Variants in RGS6 observed in about 807,000 individuals in gnomAD.
RGS6 encodes regulator of G protein signaling 6, also known as regulator of G-protein signaling 6.
In RGS6, 30 loss-of-function variants were observed where a neutral mutation model predicts 78.5. The ratio of observed to expected loss-of-function variants is 0.38; its 90% CI spans 0.29 to 0.52. RGS6 has a LOEUF of 0.52. RGS6 is among the 20% of genes least tolerant of loss of function. The pLI is 0.85. For missense variants in RGS6, 495 were observed against 609.7 expected (o/e 0.81, Z 1.98); for synonymous variants, 206 against 206.0 (o/e 1.00, Z 0.00).
intron 2 of RGS6, among the ~76,000 whole-genome samples, chr14:72,251,182 A>G (rs2055667231): frequency 6.6e-6 from 1 of 152,232 alleles, no homozygotes; most frequent in Non-Finnish European, 1.5e-5. Context: ...CAGAACTGCA[A>G]AGCAAACGAA....
chr14:71,878,660 G>A, the RGS6 span, among the ~76,000 whole-genome samples: 1 of 152,164 alleles, frequency 6.6e-6, no homozygotes, highest in African/African-American at 2.4e-5. Context: ...GCCCTGCTTT[G>A]GCTTATGGTC....
intron 2 of RGS6, among the ~76,000 whole-genome samples, chr14:71,997,180 G>C (rs1306545186): frequency 6.6e-6 from 1 of 152,200 alleles, no homozygotes. Flanking sequence ...CTGGCAATTA[G>C]GTGTCTGTGG....
At chr14:71,956,917 CT>C (rs2092833035) in intron 1 of RGS6, among the ~76,000 whole-genome samples, 1 of 152,114 alleles carries the variant, frequency 6.6e-6, no homozygotes, top group Admixed American at 6.6e-5. Context: ...AGTAAAAGTG[CT>C]GTGTGTTCAA....
At chr14:72,129,181 C>G (rs905436698) in intron 2 of RGS6, among the ~76,000 whole-genome samples, 3 of 152,024 alleles carry the variant, frequency 2.0e-5, no homozygotes, top group African/African-American at 7.2e-5. Context: ...TTACTTACAC[C>G]AGACAGTAGG....
In RGS6 at chr14:72,180,343, A is replaced by T. The variant is rs145063715; in HGVS notation, c.85-171752A>T. Among the ~76,000 whole-genome samples, 21 of 152,332 alleles carry T rather than the reference A, an allele frequency of 1.4e-4. No homozygotes were observed. The East Asian group carries it at 3.7e-3, about 27-fold the overall frequency. ...TCTCCAGATAGCAGCTGTTGTTGGA[A>T]TTGAATATAAGAGATGCTTAATCAA... is the stretch of plus-strand genomic sequence containing the variant. On this transcript the variant is annotated intron_variant, in intron 2 of 17. Transcript: ENST00000553525.
At chr14:72,264,102 A>G (rs1336329407) in intron 2 of RGS6, among the ~76,000 whole-genome samples, 1 of 152,206 alleles carries the variant, frequency 6.6e-6, no homozygotes, top group Non-Finnish European at 1.5e-5. Context: ...TAGTAGCCTT[A>G]TATCAGTTCA....
intron 2 of RGS6, among the ~76,000 whole-genome samples, chr14:71,987,329 A>T (rs1321043267): frequency 6.6e-6 from 1 of 152,090 alleles, no homozygotes; most frequent in Admixed American, 6.6e-5. Flanking sequence ...AGAGACTGGC[A>T]GTGAGGATGG....
intron 2 of RGS6, among the ~76,000 whole-genome samples, chr14:72,139,725 G>T (rs1598269064): frequency 6.6e-6 from 1 of 152,132 alleles, no homozygotes; most frequent in Non-Finnish European, 1.5e-5. Flanking sequence ...TCCATGGCAA[G>T]GAGAAAATAA....
At chr14:72,029,150 A>G (rs2090422946) in intron 2 of RGS6, among the ~76,000 whole-genome samples, 1 of 152,214 alleles carries the variant, frequency 6.6e-6, no homozygotes, top group Non-Finnish European at 1.5e-5. Flanking sequence ...AGCAGGAACC[A>G]GTTTTTCTTT....
chr14:72,291,542 T>A (rs2063576666), intron 2 of RGS6, among the ~76,000 whole-genome samples: 1 of 152,236 alleles, frequency 6.6e-6, no homozygotes, highest in African/African-American at 2.4e-5. Flanking sequence ...GTCTTATTCA[T>A]CTCTGTAACC....
At chr14:72,246,905 CAAAA>C (rs10534194) in intron 2 of RGS6, among the ~76,000 whole-genome samples, 58,386 of 145,298 alleles carry the variant, frequency 0.4, 12,648 homozygotes, top group Non-Finnish European at 0.5. Flanking sequence ...GACTCCATCT[CAAAA>C]AAAAAAAAAA....
intron 2 of RGS6, among the ~76,000 whole-genome samples, chr14:72,223,463 T>G (rs1413834401): frequency 6.6e-6 from 1 of 152,252 alleles, no homozygotes; most frequent in African/African-American, 2.4e-5. Context: ...GATAAGGTTG[T>G]GAACAAATCT....
At chr14:72,342,842 T>A (rs2077302816) in intron 2 of RGS6, among the ~76,000 whole-genome samples, 1 of 151,666 alleles carries the variant, frequency 6.6e-6, no homozygotes, top group Admixed American at 6.6e-5. Flanking sequence ...AGGCAATGAC[T>A]TAGGGTTTAT....
intron 2 of RGS6, among the ~76,000 whole-genome samples, chr14:72,122,069 G>A (rs996273180): frequency 1.3e-5 from 2 of 152,120 alleles, no homozygotes; most frequent in African/African-American, 4.8e-5. Flanking sequence ...TGCCAAGATC[G>A]AGAAGCCCTT....
At chr14:72,602,048 T>C in the RGS6 span, among the ~76,000 whole-genome samples, 28 of 152,364 alleles carry the variant, frequency 1.8e-4, no homozygotes, top group East Asian at 5.0e-3. Context: ...GTGTACCAGA[T>C]ACGGGGCCAA....
chr14:71,940,565 C>T (rs2090364058), intron 1 of RGS6, among the ~76,000 whole-genome samples: 2 of 152,198 alleles, frequency 1.3e-5, no homozygotes, highest in Non-Finnish European at 2.9e-5. Flanking sequence ...ATGAGTCAGA[C>T]TATTCTGATT....
At chr14:72,278,882 G>T (rs923624650) in intron 2 of RGS6, among the ~76,000 whole-genome samples, 1 of 151,970 alleles carries the variant, frequency 6.6e-6, no homozygotes, top group East Asian at 1.9e-4. Context: ...TGCAGGGTTC[G>T]GTTTCTGGTG....
chr14:72,255,625 G>A (rs1464608358), intron 2 of RGS6, among the ~76,000 whole-genome samples: 1 of 152,172 alleles, frequency 6.6e-6, no homozygotes, highest in African/African-American at 2.4e-5. Context: ...CTTAAAATGT[G>A]GCACAAATTC....
intron 3 of RGS6, among the ~76,000 whole-genome samples, chr14:72,385,500 A>C (rs910900274): frequency 1.3e-5 from 2 of 152,188 alleles, no homozygotes; most frequent in African/African-American, 4.8e-5. Flanking sequence ...TATTCCTTAA[A>C]CATATAGTAG....
Sources: allele counts gnomAD v4.1 joint callset (sites outside exome capture counted in the v4.1 genomes callset), GRCh38; gene constraint gnomAD v4.1.1; transcripts MANE v1.5; gene names NCBI Gene and HGNC (gene_info 2026-07-23, HGNC 2026-07-21).